TMEM178B: variants seen among roughly 807,000 people sequenced by gnomAD.
TMEM178B encodes the protein transmembrane protein 178B.
A neutral mutation model predicts 31.0 loss-of-function variants in TMEM178B; 5 were observed. The ratio of observed to expected loss-of-function variants is 0.16; its 90% confidence interval spans 0.08 to 0.34. TMEM178B has a LOEUF of 0.34. Ranked by LOEUF, TMEM178B falls within the 10% of genes least tolerant of loss-of-function variation. TMEM178B has a pLI of 1.00. For synonymous variants in TMEM178B, 164 were observed against 164.0 expected, an observed-to-expected ratio of 1.00 and a Z score of 0.00; for missense variants, 275 against 400.3, an observed-to-expected ratio of 0.69 and a Z score of 2.67.
At chr7:141,089,365 G>A (rs1292755486) in intron 1 of TMEM178B, among the ~76,000 whole-genome samples, 1 of 152,180 alleles carries the variant, frequency 6.6e-6, no homozygotes, top group Non-Finnish European at 1.5e-5. Flanking sequence ...AGAATCATGA[G>A]CAAAGGCTCC....
At chr7:141,355,625 C>T (rs901008761) in intron 2 of TMEM178B, among the ~76,000 whole-genome samples, 7 of 152,196 alleles carry the variant, frequency 4.6e-5, no homozygotes, top group South Asian at 4.1e-4. Context: ...ATGCATTCAA[C>T]GCAGGTTAGG....
chr7:141,427,512 A>G (rs1801340749), intron 2 of TMEM178B, among the ~76,000 whole-genome samples: 1 of 152,220 alleles, frequency 6.6e-6, no homozygotes, highest in African/African-American at 2.4e-5. Context: ...ATGCAGCAGA[A>G]TTCAATTAGA....
At chr7:141,186,405 G>A (rs904143741) in intron 1 of TMEM178B, among the ~76,000 whole-genome samples, 2 of 152,186 alleles carry the variant, frequency 1.3e-5, no homozygotes, top group African/African-American at 2.4e-5. Flanking sequence ...GTAAACTGCA[G>A]CAGCCCCATC....
chr7:141,336,864 TCATCATCACCACCACCACCATCACCGC>T (rs1416455079), intron 2 of TMEM178B, among the ~76,000 whole-genome samples: 3 of 88,268 alleles, frequency 3.4e-5, no homozygotes, highest in African/African-American at 1.5e-4. Flanking sequence ...ATCACTACCA[TCATCATCACCACCACCACCATCACCGC>T]TACCACCACC....
intron 1 of TMEM178B, among the ~76,000 whole-genome samples, chr7:141,117,769 C>A (rs922411568): frequency 1.3e-5 from 2 of 152,138 alleles, no homozygotes; most frequent in African/African-American, 4.8e-5. Context: ...AATAGGGAAT[C>A]CTTTCTCCAT....
chr7:141,398,398 C>T (rs943661440), intron 2 of TMEM178B, among the ~76,000 whole-genome samples: 9 of 152,174 alleles, frequency 5.9e-5, no homozygotes, highest in African/African-American at 2.2e-4. Context: ...GACCCAGCTC[C>T]TATGCCTTGG....
At chr7:141,221,422 A>G (rs1286284509) in intron 2 of TMEM178B, among the ~76,000 whole-genome samples, 1 of 102,044 alleles carries the variant, frequency 9.8e-6, no homozygotes, top group African/African-American at 7.0e-5. Context: ...GCAGGCAGAT[A>G]CCTGCATCAA....
At chr7:141,172,698 T>A (rs1342553570) in intron 1 of TMEM178B, among the ~76,000 whole-genome samples, 1 of 152,220 alleles carries the variant, frequency 6.6e-6, no homozygotes, top group African/African-American at 2.4e-5. Context: ...AAATGATTGC[T>A]GGCCACATTG....
At chr7:141,118,744 T>A (rs996560783) in intron 1 of TMEM178B, among the ~76,000 whole-genome samples, 1 of 152,188 alleles carries the variant, frequency 6.6e-6, no homozygotes, top group Admixed American at 6.5e-5. Flanking sequence ...AATTTGCCTA[T>A]TTGAAAGACT....
chr7:141,293,225 C>T (rs1222263390), intron 2 of TMEM178B, among the ~76,000 whole-genome samples: 2 of 152,054 alleles, frequency 1.3e-5, no homozygotes, highest in African/African-American at 4.8e-5. Context: ...TACTGGGGAC[C>T]CCTAGAAAAG....
intron 2 of TMEM178B, among the ~76,000 whole-genome samples, chr7:141,247,097 G>A (rs1482138291): frequency 1.3e-5 from 2 of 151,886 alleles, no homozygotes; most frequent in Non-Finnish European, 2.9e-5. Flanking sequence ...GTGTACATAT[G>A]TATAAATCTT....
At chr7:141,260,881 A>G (rs1404768425) in intron 2 of TMEM178B, among the ~76,000 whole-genome samples, 2 of 152,220 alleles carry the variant, frequency 1.3e-5, no homozygotes, top group Non-Finnish European at 2.9e-5. Flanking sequence ...GTATCACTTC[A>G]TGCTCAGAAG....
intron 2 of TMEM178B, among the ~76,000 whole-genome samples, chr7:141,408,171 A>G (rs1220127072): frequency 1.3e-5 from 2 of 151,756 alleles, no homozygotes; most frequent in African/African-American, 4.9e-5. Context: ...TGTCAGCAGC[A>G]CCAGGGCTAG....
Position 141,299,637 on chromosome 7 carries a change from C to T in TMEM178B, c.496+86933C>T, listed in dbSNP as rs189061225. On this transcript the variant is annotated intron_variant, in intron 2 of 3. Coordinates refer to ENST00000565468, the MANE Select transcript of TMEM178B (RefSeq NM_001195278.2). Reference sequence around the variant, plus strand: ...TAGGAAAACCCCATGAGATCTTTCCCTTTGGTTCTCTGCAGAATTTCTACT... The same window carrying T: ...TAGGAAAACCCCATGAGATCTTTCCTTTTGGTTCTCTGCAGAATTTCTACT... Among the ~76,000 whole-genome samples the T allele has an allele frequency of 1.5e-3, 230 of 152,266 alleles. 1 individual carries two copies. Among genetic ancestry groups the T allele is most frequent in the African/African-American group, 5.3e-3 (220 of 41,568 alleles).
At chr7:141,100,013 G>T (rs1408986394) in intron 1 of TMEM178B, among the ~76,000 whole-genome samples, 1 of 151,994 alleles carries the variant, frequency 6.6e-6, no homozygotes. Context: ...TAGAGATGGG[G>T]TTTCACCATG....
intron 2 of TMEM178B, among the ~76,000 whole-genome samples, chr7:141,411,108 C>T (rs556480799): frequency 6.6e-6 from 1 of 150,662 alleles, no homozygotes. Flanking sequence ...ATGGTGGAGG[C>T]TAGGGGCTGA....
At chr7:141,149,006 G>A (rs963696859) in intron 1 of TMEM178B, among the ~76,000 whole-genome samples, 1 of 152,178 alleles carries the variant, frequency 6.6e-6, no homozygotes, top group Non-Finnish European at 1.5e-5. Flanking sequence ...AAGATGAAGT[G>A]GAGGGCAGTA....
At chr7:141,393,527 A>T (rs1800582981) in intron 2 of TMEM178B, among the ~76,000 whole-genome samples, 1 of 152,170 alleles carries the variant, frequency 6.6e-6, no homozygotes, top group Non-Finnish European at 1.5e-5. Flanking sequence ...GCAGGGGAAG[A>T]TTTCTATCTT....
At chr7:141,093,006 G>A (rs1342400772) in intron 1 of TMEM178B, among the ~76,000 whole-genome samples, 1 of 152,172 alleles carries the variant, frequency 6.6e-6, no homozygotes, top group Non-Finnish European at 1.5e-5. Flanking sequence ...AGCAGGTGAG[G>A]GGGCTTGTAG....
Sources: gnomAD v4.1 joint callset for allele counts (sites outside exome capture counted in the v4.1 genomes callset) on GRCh38, gnomAD v4.1.1 for gene constraint, MANE v1.5 for transcripts, NCBI Gene and HGNC (gene_info 2026-07-23, HGNC 2026-07-21) for gene names.